Variants in ZNF609 observed in about 807,000 individuals in gnomAD.
ZNF609 encodes zinc finger protein 609.
ZNF609 carries 11 observed loss-of-function variants against 109.5 expected under a neutral mutation model. The observed-to-expected ratio is 0.10, with a 90% CI of 0.06 to 0.17. The LOEUF (loss-of-function observed/expected upper bound fraction) is 0.17, where lower values mean the gene tolerates loss of function less well. ZNF609 is among the 10% of genes least tolerant of loss of function. The pLI, the probability that ZNF609 is intolerant of heterozygous loss-of-function variation, is 1.00. For synonymous variants in ZNF609, 646 were observed against 662.0 expected (o/e 0.98, Z 0.37); for missense variants, 1,559 against 1,772.4 (o/e 0.88, Z 2.16).
At chr15:64,679,131 G>A (rs187777064) in intron 6 of ZNF609, among the ~76,000 whole-genome samples, 10 of 152,320 alleles carry the variant, frequency 6.6e-5, no homozygotes, top group African/African-American at 2.4e-4. Flanking sequence ...AGAGTGCAGT[G>A]GCGTGATCTC....
At position 64,505,257 on chromosome 15, in the gene ZNF609, A is replaced by G. The variant is rs1170200768; in HGVS notation, c.747+5091A>G. On this transcript the variant is annotated intron_variant, in intron 2 of 9. Transcript: ENST00000326648. The stretch of plus-strand genomic sequence containing the variant: ...ATGATATATGTGTGTGTGTTCTGGA[A>G]TATTTCATCCAGCCAAATTTTCATT... Among the ~76,000 whole-genome samples, 4 of 152,274 alleles carry G rather than the reference A, an allele frequency of 2.6e-5. No homozygotes were observed. The East Asian group carries it at 7.7e-4, about 29-fold the overall frequency.
intron 2 of ZNF609, among the ~76,000 whole-genome samples, chr15:64,561,377 T>C (rs1415036928): frequency 6.6e-6 from 1 of 152,108 alleles, no homozygotes; most frequent in Non-Finnish European, 1.5e-5. Flanking sequence ...CCAGCCTTCT[T>C]GTTGTATCAG....
chr15:64,493,202 A>G lies in ZNF609; in HGVS notation c.-127-6091A>G, dbSNP rs1893438368. Among the ~76,000 whole-genome samples, 3 of 152,236 alleles carry G rather than the reference A, an allele frequency of 2.0e-5. No individual in the cohort carries two copies. In the South Asian group the frequency reaches 6.2e-4, roughly 32 times the overall value. On this transcript the variant is annotated intron_variant, in intron 1 of 9. Coordinates refer to ENST00000326648, the MANE Select transcript of ZNF609 (RefSeq NM_015042.2). The stretch of plus-strand genomic sequence containing the variant: ...GAGATCTCTCGGGGGTGAAAGAGAA[A>G]TGTAGTGTTTCTTGTTATGTTTGGA...
intron 2 of ZNF609, among the ~76,000 whole-genome samples, chr15:64,549,375 A>G (rs1406251157): frequency 6.6e-6 from 1 of 152,130 alleles, no homozygotes; most frequent in Non-Finnish European, 1.5e-5. Context: ...TTGTATTTTT[A>G]GTAGAAACAG....
intron 1 of ZNF609, among the ~76,000 whole-genome samples, chr15:64,487,687 C>T (rs756256821): frequency 6.6e-6 from 1 of 151,760 alleles, no homozygotes; most frequent in African/African-American, 2.4e-5. Flanking sequence ...GGCTGGAGTG[C>T]GGTGGCACAA....
chr15:64,573,350 T>TTTC (rs1894893206), intron 2 of ZNF609, among the ~76,000 whole-genome samples: 1 of 97,260 alleles, frequency 1.0e-5, no homozygotes, highest in African/African-American at 3.8e-5. Context: ...AACTTTCTTT[T>TTTC]TTTTTTTTTT....
At chr15:64,647,717 A>G (rs1307108177) in intron 3 of ZNF609, among the ~76,000 whole-genome samples, 1 of 152,340 alleles carries the variant, frequency 6.6e-6, no homozygotes, top group South Asian at 2.1e-4. Context: ...GGTTTAAAAA[A>G]AGATACTTCT....
chr15:64,521,921 G>A (rs1567004243), intron 2 of ZNF609, among the ~76,000 whole-genome samples: 1 of 152,224 alleles, frequency 6.6e-6, no homozygotes, highest in Admixed American at 6.5e-5. Flanking sequence ...GTGGGCTGGA[G>A]ATTGTTTCTT....
At chr15:64,557,715 G>C (rs183211399) in intron 2 of ZNF609, among the ~76,000 whole-genome samples, 7 of 151,902 alleles carry the variant, frequency 4.6e-5, no homozygotes, top group African/African-American at 1.7e-4. Context: ...GGTTTTTTTT[G>C]GGACGGAGTC....
chr15:64,515,316 T>C (rs1893790333), intron 2 of ZNF609, among the ~76,000 whole-genome samples: 1 of 152,210 alleles, frequency 6.6e-6, no homozygotes, highest in South Asian at 2.1e-4. Flanking sequence ...GTGGCATCTC[T>C]TGGACAAGGC....
At position 64,670,092 on chromosome 15, in the gene ZNF609, A is replaced by G. The variant is rs538056012; in HGVS notation, c.974-254A>G. On this transcript the variant is annotated intron_variant, in intron 3 of 9. Coordinates refer to ENST00000326648, the MANE Select transcript of ZNF609 (RefSeq NM_015042.2). ...AGCCTGGGCAACAGAGCAAAACCCC[A>G]TCTCCAAAAATAAAAATAAAATGTG... Among the ~76,000 whole-genome samples, 19 of 152,240 alleles carry G rather than the reference A, an allele frequency of 1.2e-4. No individual in the cohort carries two copies. In the East Asian group the frequency reaches 3.3e-3, roughly 26 times the overall value.
In ZNF609 at chr15:64,589,614, G is replaced by C. The variant is rs74710408; in HGVS notation, c.748-33213G>C. 2.5e-3 allele frequency among the ~76,000 whole-genome samples: 376 copies of C among 152,238 alleles called. 5 individuals are homozygous for C. Among genetic ancestry groups the C allele is most frequent in the Admixed American group, 0.016 (247 of 15,288 alleles). ...TGGCTATCTTCAAAGTCCATTTGTC[G>C]TAATCATTATCTCCTATTTATCTTC... On this transcript the variant is annotated intron_variant, in intron 2 of 9. Transcript: ENST00000326648.
intron 2 of ZNF609, among the ~76,000 whole-genome samples, chr15:64,608,720 C>T (rs1402243361): frequency 1.0e-5 from 1 of 99,334 alleles, no homozygotes; most frequent in Non-Finnish European, 2.3e-5. Context: ...TGTATGCATG[C>T]ATGCGTGTGT....
In ZNF609 at chr15:64,612,971, C is replaced by T. The variant is rs191502956; in HGVS notation, c.748-9856C>T. ...TGGAGGTTGCAGTGAGCCGAGATCACGCCACTGCACTCCAGCCTGGGCAAC... is the reference window on the plus strand; with the variant it reads ...TGGAGGTTGCAGTGAGCCGAGATCATGCCACTGCACTCCAGCCTGGGCAAC... On this transcript the variant is annotated intron_variant, in intron 2 of 9. Coordinates refer to ENST00000326648, the MANE Select transcript of ZNF609 (RefSeq NM_015042.2). Among the ~76,000 whole-genome samples, 184 of 152,126 alleles carry T rather than the reference C, an allele frequency of 1.2e-3. 1 individual carries two copies. The highest frequency in any genetic ancestry group is 4.1e-3 in the African/African-American group (171 of 41,506).
At chr15:64,679,501 CT>C (rs1437438369) in intron 6 of ZNF609, among the ~76,000 whole-genome samples, 1 of 152,208 alleles carries the variant, frequency 6.6e-6, no homozygotes, top group Non-Finnish European at 1.5e-5. Context: ...GAGCCTCCAG[CT>C]TCCTACAGCA....
intron 2 of ZNF609, among the ~76,000 whole-genome samples, chr15:64,548,805 A>G (rs955176423): frequency 6.6e-6 from 1 of 152,182 alleles, no homozygotes; most frequent in African/African-American, 2.4e-5. Flanking sequence ...ACAGCCCTTG[A>G]AGAGAAATTC....
At position 64,539,409 on chromosome 15, in the gene ZNF609, A is replaced by G. The variant is rs186396815; in HGVS notation, c.747+39243A>G. On this transcript the variant is annotated intron_variant, in intron 2 of 9. Coordinates refer to ENST00000326648, the MANE Select transcript of ZNF609 (RefSeq NM_015042.2). Reference sequence around the variant, plus strand: ...TTTTTAGTAGAGACGGGGTTTCACCATGTTAGCCAGGATGGTCTCGATCTC... The same window carrying G: ...TTTTTAGTAGAGACGGGGTTTCACCGTGTTAGCCAGGATGGTCTCGATCTC... Among the ~76,000 whole-genome samples, 1,283 of 151,794 alleles carry G rather than the reference A, an allele frequency of 8.5e-3. 20 individuals are homozygous for G. Among genetic ancestry groups the G allele is most frequent in the African/African-American group, 0.03 (1,230 of 41,384 alleles).
intron 2 of ZNF609, among the ~76,000 whole-genome samples, chr15:64,566,325 G>A (rs961778258): frequency 6.6e-6 from 1 of 152,310 alleles, no homozygotes; most frequent in African/African-American, 2.4e-5. Flanking sequence ...TCGAGACCTT[G>A]TCTCTAAAAT....
chr15:64,561,753 C>G (rs947874019), intron 2 of ZNF609, among the ~76,000 whole-genome samples: 3 of 152,024 alleles, frequency 2.0e-5, no homozygotes, highest in Admixed American at 6.6e-5. Flanking sequence ...TAGAAAGAAA[C>G]TTGTGCATAC....
Sources: gnomAD v4.1 joint callset for allele counts (sites outside exome capture counted in the v4.1 genomes callset) on GRCh38, gnomAD v4.1.1 for gene constraint, MANE v1.5 for transcripts, NCBI Gene and HGNC (gene_info 2026-07-23, HGNC 2026-07-21) for gene names.